CIB2: variants seen among roughly 807,000 people sequenced by gnomAD.
CIB2 encodes calcium and integrin binding family member 2.
A neutral mutation model predicts 23.1 loss-of-function variants in CIB2; 19 were observed. The observed-to-expected ratio is 0.82, with a 90% CI of 0.57 to 1.21. The LOEUF (loss-of-function observed/expected upper bound fraction) is 1.21. Among genes scored for constraint, CIB2 ranks in the 50% most tolerant of loss-of-function variants. The pLI is 0.00. For synonymous variants in CIB2, 94 were observed against 91.7 expected, an observed-to-expected ratio of 1.03 and a Z score of -0.14; for missense variants, 220 against 241.5, an observed-to-expected ratio of 0.91 and a Z score of 0.59.
chr15:78,108,622 G>A (rs1033176315), intron 4 of CIB2, among the ~76,000 whole-genome samples: 1 of 152,180 alleles, frequency 6.6e-6, no homozygotes, highest in Admixed American at 6.5e-5. Context: ...AGGCCCCCCT[G>A]CAGGCCTGGC....
chr15:78,123,204 G>A (rs548300544), intron 2 of CIB2, among the ~76,000 whole-genome samples: 18 of 152,198 alleles, frequency 1.2e-4, no homozygotes, highest in African/African-American at 3.4e-4. Flanking sequence ...ACTTTTAGAC[G>A]TCCTAGGAGT....
rs1201462570 is a variant in CIB2, at chr15:78,109,337, C to T, written c.244G>A (p.Gly82Ser). 6.2e-7 allele frequency: 1 copy of T among 1,613,994 alleles called. No homozygotes were observed. The highest frequency in any genetic ancestry group is 1.3e-5 in the African/African-American group (1 of 74,884). Residue 82 changes from glycine to serine, a missense_variant, in exon 4 of 6, where the codon GGT (glycine) becomes AGT (serine). Transcript: ENST00000258930. ...TCGTTGAAAGTGAGGTTCCCCTCAC[C>T]ATCCTCGGAAAACGCCGCCACGATC... ...ERIVAAFSED[G>S]EGNLTFNDFV...
chr15:78,118,570 C>G (rs536253346), intron 2 of CIB2, among the ~76,000 whole-genome samples: 450 of 133,902 alleles, frequency 3.4e-3, no homozygotes, highest in South Asian at 0.011. Flanking sequence ...GCCTGGGTGA[C>G]AGAGCCAGAC....
intron 2 of CIB2, 82 bp from the exon 3 acceptor site, chr15:78,111,358 C>A: frequency 9.0e-7 from 1 of 1,105,004 alleles, no homozygotes; most frequent in Non-Finnish European, 1.3e-6. Flanking sequence ...GCCTAGGCCT[C>A]TGCCTCTGCA....
At chr15:78,128,677 C>T (rs1244251403) in intron 1 of CIB2, among the ~76,000 whole-genome samples, 63 of 142,024 alleles carry the variant, frequency 4.4e-4, no homozygotes, top group African/African-American at 1.5e-3. Flanking sequence ...GGTGACAGGG[C>T]GAGCGAGACT....
At chr15:78,109,499 G>A (rs778720579) in intron 3 of CIB2, 117 bp from the exon 4 acceptor site, 52 of 1,128,788 alleles carry the variant, frequency 4.6e-5, no homozygotes, top group Non-Finnish European at 6.1e-5. Flanking sequence ...TCTGAGCCTC[G>A]GTTTCCCCAT....
At chr15:78,117,246 C>CAAAAAAAAAAAAAA (rs60332437) in intron 2 of CIB2, among the ~76,000 whole-genome samples, 675 of 55,386 alleles carry the variant, frequency 0.012, 107 homozygotes, top group East Asian at 0.039. Context: ...AAGCTACTGG[C>CAAAAAAAAAAAAAA]AAAAAAAAAA....
chr15:78,109,881 G>A (rs74024166), intron 3 of CIB2, among the ~76,000 whole-genome samples: 7,750 of 151,328 alleles, frequency 0.051, 307 homozygotes, highest in South Asian at 0.16. Context: ...ATCTGAAGCA[G>A]AAGCAGAAGC....
Position 78,131,087 on chromosome 15 carries a change from C to A in CIB2, c.51+78G>T. 1 of 1,331,996 alleles carries A rather than the reference C, an allele frequency of 7.5e-7. No homozygotes were observed. Among genetic ancestry groups the A allele is most frequent in the Non-Finnish European group, 1.0e-6 (1 of 976,418 alleles). The allele number at this position is 1,331,996 out of a possible 1,614,324, so 82.5% of individuals were successfully genotyped here. A position where few individuals can be genotyped will look rare whatever the true frequency, so the allele number is the denominator to read the frequency against. ...CCTGGGAGAGCTGGCTCTCGGGAGG[C>A]CTCGGCCAGCGACCGAGAAAAGGGA... is the stretch of plus-strand genomic sequence containing the variant. On this transcript the variant is annotated intron_variant, in intron 1 of 5. Coordinates refer to ENST00000258930, the MANE Select transcript of CIB2 (RefSeq NM_006383.4). This position sits in a 1 kb window ranked among gnomAD's most constrained non-coding sequence, Gnocchi z 5.8.
chr15:78,126,000 C>T (rs78982176), intron 1 of CIB2, among the ~76,000 whole-genome samples: 3,468 of 152,228 alleles, frequency 0.023, 87 homozygotes, highest in East Asian at 0.15. Context: ...TATCATTAGC[C>T]AATGGGGGTG....
intron 2 of CIB2, among the ~76,000 whole-genome samples, chr15:78,119,572 C>CT (rs1244131703): frequency 0.017 from 2,442 of 147,054 alleles, 61 homozygotes; most frequent in African/African-American, 0.057. Flanking sequence ...CATATATATA[C>CT]TTTTTTTTTT....
At position 78,123,700 on chromosome 15, in the gene CIB2, CT is replaced by C. The variant is rs751050908; in HGVS notation, c.86+4del. On this transcript the variant is annotated splice_donor_region_variant and intron_variant, in intron 2 of 5. Transcript: ENST00000258930. Reference sequence around the variant, plus strand: ...CCAACAGGGTGAACGAGAAGCCACACTTACTTGAGGATGTCCTTCTTATTGA... The same window carrying C: ...CCAACAGGGTGAACGAGAAGCCACACTACTTGAGGATGTCCTTCTTATTGA... 6.2e-7 allele frequency: 1 copy of C among 1,614,104 alleles called. No homozygotes were observed. Among genetic ancestry groups the C allele is most frequent in the Non-Finnish European group, 8.5e-7 (1 of 1,179,958 alleles).
At chr15:78,123,679 C>T in intron 2 of CIB2, 26 bp downstream of exon 2, 1 of 1,613,942 alleles carries the variant, frequency 6.2e-7, no homozygotes, top group Non-Finnish European at 8.5e-7. Context: ...CCAGTCCCAA[C>T]AGGGTGAACG....
At chr15:78,121,125 C>T (rs1189361847) in intron 2 of CIB2, among the ~76,000 whole-genome samples, 2 of 152,116 alleles carry the variant, frequency 1.3e-5, no homozygotes, top group Non-Finnish European at 2.9e-5. Flanking sequence ...CAGGCAATCC[C>T]GAATCTGTCT....
In CIB2 at chr15:78,111,185, T is replaced by C; in HGVS notation, c.178A>G (p.Ile60Val). The C allele has an allele frequency of 4.3e-6, 7 of 1,614,136 alleles. No homozygotes were observed. The highest frequency in any genetic ancestry group is 5.9e-6 in the Non-Finnish European group (7 of 1,180,002). ...CATACCCGGAGCTCTGGCATCTGGA[T>C]GATGAGGCTCATGGGCACGTGGACG... ...PIVHVPMSLI[I>V]QMPELRENPF... Residue 60 changes from isoleucine to valine, a missense_variant, in exon 3 of 6, where the codon ATC becomes GTC. Ile to Val is a conservative substitution (Grantham distance 29). Coordinates refer to ENST00000258930, the MANE Select transcript of CIB2 (RefSeq NM_006383.4).
At chr15:78,106,411 C>T (rs1409417193) in intron 4 of CIB2, among the ~76,000 whole-genome samples, 1 of 152,200 alleles carries the variant, frequency 6.6e-6, no homozygotes, top group Non-Finnish European at 1.5e-5. Context: ...TTCTAAACTG[C>T]ACCCCGTTGC....
chr15:78,118,837 C>T (rs2074278181), intron 2 of CIB2, among the ~76,000 whole-genome samples: 1 of 151,990 alleles, frequency 6.6e-6, no homozygotes, highest in East Asian at 1.9e-4. Flanking sequence ...GTTCCCATTC[C>T]CCCTCCTCCC....
chr15:78,105,087 A>T lies in CIB2; in HGVS notation c.*224T>A. The T allele has an allele frequency of 1.7e-6, 1 of 585,690 alleles. No individual in the cohort carries two copies. The highest frequency in any genetic ancestry group is 3.0e-6 in the Non-Finnish European group (1 of 336,552). The allele number at this position is 585,690 out of a possible 1,614,324, so 36.3% of individuals were successfully genotyped here. A position where few individuals can be genotyped will look rare whatever the true frequency, so the allele number is the denominator to read the frequency against. On this transcript the variant is annotated 3_prime_UTR_variant, in exon 6 of 6. Transcript: ENST00000258930. ...GGTGCGGAGGGCCTGGAGAGAGGCC[A>T]TGGGTCCCGGGGCTGGACCACAGCG... is the stretch of plus-strand genomic sequence containing the variant.
At chr15:78,121,387 C>T (rs1031237019) in intron 2 of CIB2, among the ~76,000 whole-genome samples, 4 of 152,096 alleles carry the variant, frequency 2.6e-5, no homozygotes, top group Admixed American at 6.5e-5. Context: ...GGAGCCAGGA[C>T]GCCTCTCCTC....
Sources: allele counts gnomAD v4.1 joint callset (sites outside exome capture counted in the v4.1 genomes callset), GRCh38; gene constraint gnomAD v4.1.1; non-coding constraint Gnocchi (gnomAD v3.1); transcripts MANE v1.5; gene names NCBI Gene and HGNC (gene_info 2026-07-23, HGNC 2026-07-21).